The following IMPG1 variants were observed in gnomAD, a reference collection of about 807,000 sequenced individuals.
The protein encoded by IMPG1 is interphotoreceptor matrix proteoglycan of 150 kDa.
A neutral mutation model predicts 92.0 loss-of-function variants in IMPG1; 85 were observed. The observed-to-expected ratio is 0.92, with a 90% CI of 0.78 to 1.11. The LOEUF is 1.11. Among genes scored for constraint, IMPG1 ranks in the 50% least tolerant of loss-of-function variants. The pLI is 0.00. For missense variants in IMPG1, 1,022 were observed against 956.0 expected (o/e 1.07, Z -0.91); for synonymous variants, 367 against 334.1 (o/e 1.10, Z -1.08).
intron 12 of IMPG1, among the ~76,000 whole-genome samples, chr6:75,984,132 T>TGTA (rs1423214340): frequency 2.6e-5 from 4 of 152,214 alleles, no homozygotes; most frequent in African/African-American, 9.6e-5. Flanking sequence ...TGTAAATTAG[T>TGTA]GTAACCATTA....
chr6:76,042,080 A>G lies in IMPG1; in HGVS notation c.114T>C (p.Asn38=). ...TTTCAGTTGTTTCATTTCTTGGGGGATTGTCTATGTCTTTAGTTTCAGAAT... is the reference window on the plus strand; with the variant it reads ...TTTCAGTTGTTTCATTTCTTGGGGGGTTGTCTATGTCTTTAGTTTCAGAAT... ...IYHSETKDID[N]PPRNETTEST... The change falls in exon 2 of 17, where the codon AAT becomes AAC. Residue 38 remains asparagine (N), a synonymous_variant. Coordinates refer to ENST00000369950, the MANE Select transcript of IMPG1 (RefSeq NM_001563.4). 1 of 1,606,762 alleles carries G rather than the reference A, an allele frequency of 6.2e-7. No homozygotes were observed. The highest frequency in any genetic ancestry group is 8.5e-7 in the Non-Finnish European group (1 of 1,173,576).
chr6:75,950,728 A>AC lies in IMPG1; in HGVS notation c.1657dup (p.Val553GlyfsTer10). ...AGTGGTGATATACTGTAAAGCTGAGACAGGAGTGGTATCCTCCAAGAAATG... is the reference window on the plus strand; with the variant it reads ...AGTGGTGATATACTGTAAAGCTGAGACCAGGAGTGGTATCCTCCAAGAAATG... On this transcript the variant is annotated frameshift_variant, in exon 13 of 17. Transcript: ENST00000369950. LOFTEE classifies it high-confidence loss of function. 6.2e-7 allele frequency: 1 copy of AC among 1,614,028 alleles called. No individual in the cohort carries two copies. Among genetic ancestry groups the AC allele is most frequent in the Non-Finnish European group, 8.5e-7 (1 of 1,179,918 alleles).
intron 12 of IMPG1, among the ~76,000 whole-genome samples, chr6:75,971,890 T>G (rs1431926595): frequency 1.3e-5 from 2 of 152,242 alleles, no homozygotes; most frequent in African/African-American, 4.8e-5. Context: ...CTTGTATATT[T>G]ATTCCCTCAT....
chr6:76,056,478 A>G (rs1784122027), intron 1 of IMPG1, among the ~76,000 whole-genome samples: 1 of 152,138 alleles, frequency 6.6e-6, no homozygotes, highest in Non-Finnish European at 1.5e-5. Flanking sequence ...GCTCTTGTGA[A>G]TAATGCTGTA....
intron 15 of IMPG1, among the ~76,000 whole-genome samples, chr6:75,925,518 A>G (rs573038005): frequency 6.6e-6 from 1 of 152,218 alleles, no homozygotes; most frequent in East Asian, 1.9e-4. Flanking sequence ...AGGAGAGAGG[A>G]GGAAAAATAT....
chr6:76,029,827 T>C (rs1218423939), intron 4 of IMPG1, among the ~76,000 whole-genome samples: 1 of 152,194 alleles, frequency 6.6e-6, no homozygotes, highest in East Asian at 1.9e-4. Flanking sequence ...CCAGTTATCT[T>C]GGTGTGTCAC....
chr6:76,015,929 C>A (rs1281920675), intron 7 of IMPG1, among the ~76,000 whole-genome samples: 1 of 151,642 alleles, frequency 6.6e-6, no homozygotes, highest in African/African-American at 2.4e-5. Flanking sequence ...TGGTTAAGAG[C>A]AAGAGTTCTG....
chr6:76,008,081 T>G (rs996873710), intron 8 of IMPG1, among the ~76,000 whole-genome samples: 3 of 152,242 alleles, frequency 2.0e-5, no homozygotes, highest in Non-Finnish European at 4.4e-5. Flanking sequence ...ACCTGTTTAC[T>G]GGGTGAGTGG....
At chr6:75,923,606 G>T in intron 16 of IMPG1, 28 bp downstream of exon 16, 1 of 1,149,896 alleles carries the variant, frequency 8.7e-7, no homozygotes, top group Non-Finnish European at 1.3e-6. Context: ...TTTAGTAATT[G>T]CAACCAACTT....
intron 12 of IMPG1, among the ~76,000 whole-genome samples, chr6:75,973,711 G>A (rs1200627480): frequency 6.6e-6 from 1 of 152,202 alleles, no homozygotes; most frequent in African/African-American, 2.4e-5. Context: ...CTACACTACT[G>A]AGGCTAGGGT....
At chr6:76,041,596 T>G (rs911012536) in intron 2 of IMPG1, among the ~76,000 whole-genome samples, 1 of 152,208 alleles carries the variant, frequency 6.6e-6, no homozygotes, top group African/African-American at 2.4e-5. Flanking sequence ...ATATTGAGCA[T>G]TGGCAAAAAT....
At chr6:76,005,776 A>T (rs191742984) in intron 9 of IMPG1, among the ~76,000 whole-genome samples, 1 of 152,238 alleles carries the variant, frequency 6.6e-6, no homozygotes, top group African/African-American at 2.4e-5. Context: ...ACCTCAAAGA[A>T]GGATTACTAA....
intron 12 of IMPG1, among the ~76,000 whole-genome samples, chr6:75,971,274 T>G (rs571614216): frequency 1.6e-4 from 21 of 134,020 alleles, no homozygotes; most frequent in African/African-American, 5.7e-4. Flanking sequence ...ACAATGAGAA[T>G]ACATGGACAC....
intron 1 of IMPG1, among the ~76,000 whole-genome samples, chr6:76,053,070 T>G (rs928684021): frequency 1.3e-5 from 2 of 152,216 alleles, no homozygotes; most frequent in Admixed American, 6.5e-5. Flanking sequence ...TCATCTCATC[T>G]TTACATTAAC....
At chr6:75,970,344 T>A (rs987510016) in intron 12 of IMPG1, among the ~76,000 whole-genome samples, 3 of 152,036 alleles carry the variant, frequency 2.0e-5, no homozygotes, top group East Asian at 1.9e-4. Context: ...TTTTTTTTTT[T>A]AATATGCTGC....
chr6:75,969,935 A>C (rs1487406657), intron 12 of IMPG1, among the ~76,000 whole-genome samples: 1 of 151,792 alleles, frequency 6.6e-6, no homozygotes, highest in African/African-American at 2.4e-5. Flanking sequence ...ACTGGTAATA[A>C]ATTTAATTCC....
intron 11 of IMPG1, among the ~76,000 whole-genome samples, chr6:76,003,300 G>A (rs1019241067): frequency 3.2e-4 from 49 of 152,218 alleles, no homozygotes; most frequent in African/African-American, 1.1e-3. Flanking sequence ...CATTTTAGGA[G>A]GGAATAAAGC....
chr6:75,943,619 A>G (rs1582057145), intron 14 of IMPG1, among the ~76,000 whole-genome samples: 2 of 152,318 alleles, frequency 1.3e-5, no homozygotes, highest in Middle Eastern at 3.4e-3. Context: ...TTATAGCAAT[A>G]CAAACAGAAA....
chr6:75,971,998 A>G (rs1782427571), intron 12 of IMPG1, among the ~76,000 whole-genome samples: 1 of 152,168 alleles, frequency 6.6e-6, no homozygotes, highest in South Asian at 2.1e-4. Flanking sequence ...GACCTTTGGC[A>G]CGTATTCATC....
Sources: gnomAD v4.1 joint callset for allele counts (sites outside exome capture counted in the v4.1 genomes callset) on GRCh38, gnomAD v4.1.1 for gene constraint, MANE v1.5 for transcripts, NCBI Gene and HGNC (gene_info 2026-07-23, HGNC 2026-07-21) for gene names.